NRL: variants seen among roughly 807,000 people sequenced by gnomAD.
NRL encodes neural retina leucine zipper.
Under a neutral mutation model 12.5 loss-of-function variants are expected in NRL, and 16 were observed. That is an observed-to-expected ratio of 1.28 (90% confidence interval 0.87 to 1.95). The LOEUF is 1.95. Among genes scored for constraint, NRL ranks in the 30% most tolerant of loss-of-function variants. The pLI is 0.00. For synonymous variants in NRL, 142 were observed against 150.9 expected, an observed-to-expected ratio of 0.94 and a Z score of 0.43; for missense variants, 314 against 325.8, an observed-to-expected ratio of 0.96 and a Z score of 0.28.
At chr14:24,084,524 G>C (rs900409736) in intron 1 of NRL, 2 of 985,310 alleles carry the variant, frequency 2.0e-6, no homozygotes, top group African/African-American at 3.5e-5. Context: ...ACTCACTTCA[G>C]AAATGGCCGA....
chr14:24,081,247 G>A lies in NRL; in HGVS notation c.703C>T (p.Leu235Phe), dbSNP rs201358563. The A allele has an allele frequency of 4.1e-4, 611 of 1,504,778 alleles. 4 individuals carry two copies. The African/African-American group carries it at 8.0e-3, about 20-fold the overall frequency. 93.2% of individuals were successfully genotyped at this position (1,504,778 alleles called of 1,614,324 possible). The change falls in exon 3 of 3, where the codon CTC becomes TTC. Residue 235 changes from leucine (L) to phenylalanine (F), a missense_variant. Coordinates refer to ENST00000561028, the MANE Select transcript of NRL (RefSeq NM_001354768.3). The surrounding 1 kb of genome is among the most constrained non-coding windows in gnomAD (Gnocchi z 4.4). Reference sequence around the variant, plus strand: ...GTGCTCTGAACGGCTCAGAGGAAGAGGTGGGAGGGGTCCCCGGACCCGGGG... The same window carrying A: ...GTGCTCTGAACGGCTCAGAGGAAGAAGTGGGAGGGGTCCCCGGACCCGGGG... ...SGPGSGDPSH[L>F]FL
intron 1 of NRL, among the ~76,000 whole-genome samples, chr14:24,091,173 CAG>C (rs375294208): frequency 9.3e-4 from 128 of 137,530 alleles, no homozygotes; most frequent in Middle Eastern, 3.9e-3. Context: ...GTGTTAGAGA[CAG>C]AGTCTCACTG....
At chr14:24,100,118 A>T in intron 1 of NRL, 1 of 1,613,356 alleles carries the variant, frequency 6.2e-7, no homozygotes, top group Non-Finnish European at 8.5e-7. Flanking sequence ...AATGTGGCTG[A>T]GACCAGTGAT....
intron 1 of NRL, among the ~76,000 whole-genome samples, chr14:24,089,383 A>G (rs2036554818): frequency 6.6e-6 from 1 of 151,678 alleles, no homozygotes; most frequent in African/African-American, 2.4e-5. Flanking sequence ...AGCAGTTGGG[A>G]CTACAGGTGC....
intron 1 of NRL, among the ~76,000 whole-genome samples, chr14:24,104,841 C>A (rs1314964896): frequency 6.6e-6 from 1 of 152,164 alleles, no homozygotes; most frequent in East Asian, 1.9e-4. Flanking sequence ...CTGGGAGCTG[C>A]ATAGTATTCA....
chr14:24,099,089 CCT>C lies in NRL; in HGVS notation c.-28+15631_-28+15632del, dbSNP rs2138953538. Reference sequence around the variant, plus strand: ...AGTGGCCGTGCAACCCAGAGAAAACCCTGATTGGCCACGTGCCCGACCAGCGG... The same window carrying C: ...AGTGGCCGTGCAACCCAGAGAAAACCGATTGGCCACGTGCCCGACCAGCGG... On this transcript the variant is annotated intron_variant, in intron 1 of 2. Transcript: ENST00000561028. The C allele has an allele frequency of 6.2e-7, 1 of 1,610,914 alleles. No individual in the cohort carries two copies.
chr14:24,082,190 C>CA, intron 2 of NRL: 1 of 520,266 alleles, frequency 1.9e-6, no homozygotes, highest in Non-Finnish European at 2.5e-6. Flanking sequence ...CGGAGTCGCC[C>CA]ACTCCCCAGC....
intron 1 of NRL, among the ~76,000 whole-genome samples, chr14:24,111,620 G>A (rs1156498408): frequency 1.3e-5 from 2 of 152,048 alleles, no homozygotes; most frequent in Non-Finnish European, 2.9e-5. Context: ...ACCCGCCTTG[G>A]CCTCCCAAAG....
chr14:24,110,611 A>G (rs975181003), intron 1 of NRL: 3 of 155,428 alleles, frequency 1.9e-5, no homozygotes, highest in African/African-American at 7.2e-5. Context: ...TTTAATAGCT[A>G]CCTGGTATTT....
intron 1 of NRL, among the ~76,000 whole-genome samples, chr14:24,108,462 C>T (rs976831598): frequency 6.6e-6 from 1 of 151,702 alleles, no homozygotes; most frequent in African/African-American, 2.4e-5. Flanking sequence ...CTCAGCCTCC[C>T]GAGTAGCTAC....
Position 24,104,162 on chromosome 14 carries a change from T to G in NRL, c.-28+10560A>C, listed in dbSNP as rs1594315879. The G allele has an allele frequency of 8.6e-6, 5 of 582,854 alleles. No homozygotes were observed. In the East Asian group the frequency reaches 1.4e-4, roughly 17 times the overall value. 36.1% of individuals were successfully genotyped at this position (582,854 alleles called of 1,614,324 possible). On this transcript the variant is annotated intron_variant, in intron 1 of 2. Transcript: ENST00000561028. ...TGCTGTTTTCATTTCCCACCTATCT[T>G]CACAGGCTTCCCTCTAACACCTGTC...
chr14:24,088,179 T>G (rs2036511600), intron 1 of NRL, among the ~76,000 whole-genome samples: 1 of 152,202 alleles, frequency 6.6e-6, no homozygotes, highest in South Asian at 2.1e-4. Context: ...GCCCATACCT[T>G]AATCCTCTCA....
intron 1 of NRL, among the ~76,000 whole-genome samples, chr14:24,104,369 C>T (rs2037291365): frequency 6.6e-6 from 1 of 151,826 alleles, no homozygotes; most frequent in Non-Finnish European, 1.5e-5. Context: ...GTGGTTCACG[C>T]CTGTAATCCC....
chr14:24,096,140 G>T lies in NRL; in HGVS notation c.-27-13265C>A, dbSNP rs1406344312. ...TATACTTGAAAATGGAAATAAAATG[G>T]ATGAGGCTTCAAATACCAGACATAT... On this transcript the variant is annotated intron_variant, in intron 1 of 2. Coordinates refer to ENST00000561028, the MANE Select transcript of NRL (RefSeq NM_001354768.3). 1.3e-5 allele frequency among the ~76,000 whole-genome samples: 2 copies of T among 151,498 alleles called. 1 individual carries two copies. The highest frequency in any genetic ancestry group is 4.2e-4 in the South Asian group (2 of 4,818).
At chr14:24,112,556 A>C (rs1383236695) in intron 1 of NRL, among the ~76,000 whole-genome samples, 1 of 109,824 alleles carries the variant, frequency 9.1e-6, no homozygotes, top group Admixed American at 1.0e-4. Context: ...ACCCCATCAA[A>C]AAGTGGGCGA....
chr14:24,108,172 A>C (rs1323708403), intron 1 of NRL, among the ~76,000 whole-genome samples: 2 of 152,188 alleles, frequency 1.3e-5, no homozygotes, highest in Non-Finnish European at 2.9e-5. Flanking sequence ...TTTTTCTCTA[A>C]GAAGCTCTGG....
rs145726811 is a variant in NRL at position 24,086,162 on chromosome 14, C to T, written c.-27-3287G>A. Among the ~76,000 whole-genome samples, 602 of 152,092 alleles carry T rather than the reference C, an allele frequency of 4.0e-3. 3 individuals are homozygous for T. The highest frequency in any genetic ancestry group is 0.014 in the African/African-American group (561 of 41,492). ...CTGGGAGGCGGAGGTTGCAGTGAGC[C>T]GAGATCGTGCCCCTGCACTCCAGCT... is the stretch of plus-strand genomic sequence containing the variant. On this transcript the variant is annotated intron_variant, in intron 1 of 2. Transcript: ENST00000561028.
In NRL at chr14:24,114,717, C is replaced by G; in HGVS notation, c.-28+5G>C. ...CTCAGGCACCTCGCGCATTCTCCCG[C>G]CTACCTATCAATCATCGTGCTCCGC... On this transcript the variant is annotated splice_donor_5th_base_variant and intron_variant, in intron 1 of 2. Coordinates refer to ENST00000561028, the MANE Select transcript of NRL (RefSeq NM_001354768.3). 1 of 986,018 alleles carries G rather than the reference C, an allele frequency of 1.0e-6. No individual in the cohort carries two copies. Among genetic ancestry groups the G allele is most frequent in the Non-Finnish European group, 1.2e-6 (1 of 830,016 alleles). 61.1% of individuals were successfully genotyped at this position (986,018 alleles called of 1,614,324 possible). A position where few individuals can be genotyped will look rare whatever the true frequency, so the allele number is the denominator to read the frequency against.
At chr14:24,098,473 A>G (rs1220998776) in intron 1 of NRL, 5 of 1,613,950 alleles carry the variant, frequency 3.1e-6, no homozygotes, top group Non-Finnish European at 4.2e-6. Flanking sequence ...CTTCCTCCAC[A>G]GGCCGCACCA....
Sources: allele counts gnomAD v4.1 joint callset (sites outside exome capture counted in the v4.1 genomes callset), GRCh38; gene constraint gnomAD v4.1.1; non-coding constraint Gnocchi (gnomAD v3.1); transcripts MANE v1.5; gene names NCBI Gene and HGNC (gene_info 2026-07-23, HGNC 2026-07-21).